Variants in MYBPC3 observed in about 807,000 individuals in gnomAD.
The protein encoded by MYBPC3 is myosin-binding protein C, cardiac-type.
A neutral mutation model predicts 159.3 loss-of-function variants in MYBPC3; 108 were observed. That is an observed-to-expected ratio of 0.68 (90% CI 0.58 to 0.80). The LOEUF is 0.80. Among genes scored for constraint, MYBPC3 ranks in the 30% least tolerant of loss-of-function variants. MYBPC3 has a pLI of 0.00. For synonymous variants in MYBPC3, 730 were observed against 702.0 expected, an observed-to-expected ratio of 1.04 and a Z score of -0.63; for missense variants, 1,631 against 1,762.1, an observed-to-expected ratio of 0.93 and a Z score of 1.33.
At chr11:47,333,123 A>G in intron 30 of MYBPC3, 71 bp downstream of exon 30, 2 of 1,547,066 alleles carry the variant, frequency 1.3e-6, no homozygotes, top group Non-Finnish European at 1.7e-6. Context: ...GAGGACAGTG[A>G]AGGGTAGCTG....
chr11:47,340,391 G>T (rs906982958), intron 20 of MYBPC3, among the ~76,000 whole-genome samples: 1 of 152,224 alleles, frequency 6.6e-6, no homozygotes, highest in Non-Finnish European at 1.5e-5. Context: ...CAGTCTGGAC[G>T]CAGTGGCTCA....
chr11:47,346,489 G>C lies in MYBPC3; in HGVS notation c.927-119C>G. ...CTGTCCCTCTGCCCCTTCCCTTCTGGTGGGGCAGCTGGAGCTGCTCTGGGT... is the reference window on the plus strand; with the variant it reads ...CTGTCCCTCTGCCCCTTCCCTTCTGCTGGGGCAGCTGGAGCTGCTCTGGGT... On this transcript the variant is annotated intron_variant, in intron 11 of 34. Coordinates refer to ENST00000545968, the MANE Select transcript of MYBPC3 (RefSeq NM_000256.3). This position sits in a 1 kb window ranked among gnomAD's most constrained non-coding sequence, Gnocchi z 5.3. 1 of 1,449,254 alleles carries C rather than the reference G, an allele frequency of 6.9e-7. No individual in the cohort carries two copies. The highest frequency in any genetic ancestry group is 9.2e-7 in the Non-Finnish European group (1 of 1,086,042). The allele number at this position is 1,449,254 out of a possible 1,614,324, so 89.8% of individuals were successfully genotyped here. A position where few individuals can be genotyped will look rare whatever the true frequency, so the allele number is the denominator to read the frequency against.
rs368770848 is a variant in MYBPC3 at position 47,343,117 on chromosome 11, G to T, written c.1255C>A (p.Arg419Ser). The T allele has an allele frequency of 1.9e-6, 3 of 1,611,596 alleles. No homozygotes were observed. The highest frequency in any genetic ancestry group is 2.5e-6 in the Non-Finnish European group (3 of 1,179,008). The change falls in exon 15 of 35, where the codon CGT becomes AGT. Residue 419 changes from arginine to serine, a missense_variant. Coordinates refer to ENST00000545968, the MANE Select transcript of MYBPC3 (RefSeq NM_000256.3). Reference sequence around the variant, plus strand: ...GAGCACTGGCTGATGGTCAGGGTACGCTTGGCACCGATGGACTCAAAGATG... The same window carrying T: ...GAGCACTGGCTGATGGTCAGGGTACTCTTGGCACCGATGGACTCAAAGATG... ...KYIFESIGAK[R>S]TLTISQCSLA...
chr11:47,350,229 T>C lies in MYBPC3; in HGVS notation c.407-117A>G, dbSNP rs1002377478. ...AGCTCCGCCTCCCAGGTTCACACCA[T>C]TCTCCTGCCTCAGCCTCCCAAGTTA... On this transcript the variant is annotated intron_variant, in intron 3 of 34. Transcript: ENST00000545968. 4.0e-6 allele frequency: 5 copies of C among 1,257,432 alleles called. No homozygotes were observed. The South Asian group carries it at 4.4e-5, about 11-fold the overall frequency. The allele number at this position is 1,257,432 out of a possible 1,614,324, so 77.9% of individuals were successfully genotyped here. A position where few individuals can be genotyped will look rare whatever the true frequency, so the allele number is the denominator to read the frequency against.
chr11:47,348,947 A>ACAAATGCTCATCGAT (rs1359285452), intron 5 of MYBPC3, among the ~76,000 whole-genome samples: 1 of 49,992 alleles, frequency 2.0e-5, no homozygotes, highest in Non-Finnish European at 4.8e-5. Context: ...GCTGGGAGTG[A>ACAAATGCTCATCGAT]CAAATGCTCA....
chr11:47,332,085 G>A lies in MYBPC3; in HGVS notation c.3801C>T (p.Arg1267=), dbSNP rs541377415. Residue 1267 remains arginine, a synonymous_variant, in exon 33 of 35, where the codon CGC becomes CGT. Coordinates refer to ENST00000545968, the MANE Select transcript of MYBPC3 (RefSeq NM_000256.3). This position sits in a 1 kb window ranked among gnomAD's most constrained non-coding sequence, Gnocchi z 4.2. ...AGGGCTCCTCACCTCGCACCTCCAG[G>A]CGGCACTCACACCGTGCCTCGCCCT... The part of the protein sequence containing the change: ...NLQGEARCEC[R]LEVRVPQ 17 of 1,610,744 alleles carry A rather than the reference G, an allele frequency of 1.1e-5. No homozygotes were observed. In the Admixed American group the frequency reaches 2.7e-4, roughly 25 times the overall value.
At chr11:47,343,745 C>T (rs1483914946) in intron 12 of MYBPC3, 121 bp from the exon 13 acceptor site, 2 of 929,242 alleles carry the variant, frequency 2.2e-6, no homozygotes, top group East Asian at 5.5e-5. Flanking sequence ...TGCCGCCCCG[C>T]TTCCACTTCT....
chr11:47,335,292 A>C, intron 26 of MYBPC3, 83 bp from the exon 27 acceptor site: 1 of 1,084,374 alleles, frequency 9.2e-7, no homozygotes, highest in Non-Finnish European at 1.3e-6. Context: ...TCTGATAGGA[A>C]TCTCCAGGAT....
Position 47,346,573 on chromosome 11 carries a change from G to C in MYBPC3, c.926+54C>G. ...TGAAGAGGGGCTGGGGATCTGGAGG[G>C]GCTCCTGGCAGAATTAGGGGTGATG... On this transcript the variant is annotated intron_variant, in intron 11 of 34. Transcript: ENST00000545968. The surrounding 1 kb of genome is among the most constrained non-coding windows in gnomAD (Gnocchi z 5.3). The C allele has an allele frequency of 6.5e-7, 1 of 1,541,236 alleles. No individual in the cohort carries two copies. Among genetic ancestry groups the C allele is most frequent in the South Asian group, 1.2e-5 (1 of 80,288 alleles).
Position 47,332,881 on chromosome 11 carries a change from G to A in MYBPC3, c.3423C>T (p.Ser1141=), listed in dbSNP as rs1422830996. 1.2e-6 allele frequency: 2 copies of A among 1,607,352 alleles called. No homozygotes were observed. Among genetic ancestry groups the A allele is most frequent in the Non-Finnish European group, 8.5e-7 (1 of 1,177,152 alleles). ...IGNGYYFRVF[S]QNMVGFSDRA... is the part of the protein sequence containing the mutation. Reference sequence around the variant, plus strand: ...TGTCACTAAAGCCAACCATATTCTGGCTGAAGACGCGGAAGTAGTAGCCAT... The same window carrying A: ...TGTCACTAAAGCCAACCATATTCTGACTGAAGACGCGGAAGTAGTAGCCAT... Residue 1141 remains serine (S), a synonymous_variant, in exon 31 of 35, where the codon AGC becomes AGT. Transcript: ENST00000545968. This position sits in a 1 kb window ranked among gnomAD's most constrained non-coding sequence, Gnocchi z 4.2.
intron 5 of MYBPC3, among the ~76,000 whole-genome samples, 194 bp downstream of exon 5, chr11:47,349,580 C>A (rs1199135982): frequency 6.6e-6 from 1 of 152,098 alleles, no homozygotes; most frequent in Non-Finnish European, 1.5e-5. Flanking sequence ...AGCCTCATCG[C>A]ACTCCCTGGC....
chr11:47,346,373 G>A lies in MYBPC3; in HGVS notation c.927-3C>T, dbSNP rs777718305. ...CTGGTGCCTCCAGCTTCGAGTCCCTGTGTCCCGCAGTCTAGGCTGTGGCCG... is the reference window on the plus strand; with the variant it reads ...CTGGTGCCTCCAGCTTCGAGTCCCTATGTCCCGCAGTCTAGGCTGTGGCCG... On this transcript the variant is annotated splice_region_variant and splice_polypyrimidine_tract_variant and intron_variant, in intron 11 of 34. Transcript: ENST00000545968. The surrounding 1 kb of genome is among the most constrained non-coding windows in gnomAD (Gnocchi z 5.3). The A allele has an allele frequency of 6.4e-7, 1 of 1,573,268 alleles. No homozygotes were observed. Among genetic ancestry groups the A allele is most frequent in the South Asian group, 1.2e-5 (1 of 85,246 alleles).
In MYBPC3 at chr11:47,339,553, C is replaced by A. The variant is rs1344291987; in HGVS notation, c.2067+98G>T. ...TCCCATGGGGTAGCCAACAGCAGGG[C>A]GTGCACATGTGGGTGGGGTGTGCAG... On this transcript the variant is annotated intron_variant, in intron 21 of 34. Transcript: ENST00000545968. 1.1e-5 allele frequency: 16 copies of A among 1,475,094 alleles called. No individual in the cohort carries two copies. The East Asian group carries it at 2.9e-4, about 26-fold the overall frequency. 91.4% of individuals were successfully genotyped at this position (1,475,094 alleles called of 1,614,324 possible).
At position 47,347,877 on chromosome 11, in the gene MYBPC3, G is replaced by A. The variant is rs1260101574; in HGVS notation, c.801C>T (p.Leu267=). Residue 267 remains leucine (L), a synonymous_variant, in exon 7 of 35, where the codon CTC becomes CTT. Transcript: ENST00000545968. The part of the protein sequence containing the change: ...HEAMGTGDLD[L]LSAFRRTSLA... ...CTCACGTGCGGCGGAAGGCTGATAG[G>A]AGGTCCAGGTCTCCGGTGCCCATGG... 1.9e-6 allele frequency: 3 copies of A among 1,571,400 alleles called. No individual in the cohort carries two copies. The highest frequency in any genetic ancestry group is 2.4e-5 in the East Asian group (1 of 42,338).
rs1446742140 is a variant in MYBPC3 at position 47,340,991 on chromosome 11, C to G, written c.1927+12G>C. The G allele has an allele frequency of 1.3e-6, 2 of 1,558,628 alleles. No homozygotes were observed. Among genetic ancestry groups the G allele is most frequent in the Non-Finnish European group, 8.7e-7 (1 of 1,153,312 alleles). On this transcript the variant is annotated intron_variant, in intron 20 of 34. Coordinates refer to ENST00000545968, the MANE Select transcript of MYBPC3 (RefSeq NM_000256.3). ...GTGAGCAGAACCAAGACTCAGGGGC[C>G]CCAAGACTTACCCTGCCTGGGTACG... is the stretch of plus-strand genomic sequence containing the variant.
chr11:47,334,278 C>T (rs1299344387), intron 27 of MYBPC3, among the ~76,000 whole-genome samples: 1 of 152,214 alleles, frequency 6.6e-6, no homozygotes, highest in Non-Finnish European at 1.5e-5. Flanking sequence ...AAGTCATAGA[C>T]CAGGGTGTAA....
Position 47,350,553 on chromosome 11 carries a change from C to T in MYBPC3, c.355G>A (p.Glu119Lys), listed in dbSNP as rs397516025. ...APAEATGAPG[E>K]APAPAAELGE... Reference sequence around the variant, plus strand: ...AGCTCAGCGGCTGGGGCCGGGGCTTCTCCAGGGGCTCCAGTGGCCTCAGCA... The same window carrying T: ...AGCTCAGCGGCTGGGGCCGGGGCTTTTCCAGGGGCTCCAGTGGCCTCAGCA... Residue 119 changes from glutamate to lysine, a missense_variant, in exon 3 of 35, where the codon GAA becomes AAA. Glu to Lys is a moderately conservative substitution (Grantham distance 56). Coordinates refer to ENST00000545968, the MANE Select transcript of MYBPC3 (RefSeq NM_000256.3). The T allele has an allele frequency of 1.6e-5, 24 of 1,547,630 alleles. No individual in the cohort carries two copies. The highest frequency in any genetic ancestry group is 1.8e-4 in the Middle Eastern group (1 of 5,552).
In MYBPC3 at chr11:47,347,640, G is replaced by A. The variant is rs747300127; in HGVS notation, c.851+11C>T. 28 of 1,573,986 alleles carry A rather than the reference G, an allele frequency of 1.8e-5. No homozygotes were observed. The highest frequency in any genetic ancestry group is 2.3e-5 in the Non-Finnish European group (27 of 1,159,854). On this transcript the variant is annotated intron_variant, in intron 8 of 34. Transcript: ENST00000545968. The stretch of plus-strand genomic sequence containing the variant: ...TGCGGATGGTGCAGGTAGGGCCTGG[G>A]GCAGGGGTACCTGATCCGCCGACCA...
At chr11:47,341,396 A>G (rs1051902643) in intron 18 of MYBPC3, among the ~76,000 whole-genome samples, 152 bp from the exon 19 acceptor site, 2 of 152,110 alleles carry the variant, frequency 1.3e-5, no homozygotes. Flanking sequence ...TATATTATCT[A>G]ATTTTCCAGC....
Sources: allele counts gnomAD v4.1 joint callset (sites outside exome capture counted in the v4.1 genomes callset), GRCh38; gene constraint gnomAD v4.1.1; non-coding constraint Gnocchi (gnomAD v3.1); transcripts MANE v1.5; gene names NCBI Gene and HGNC (gene_info 2026-07-23, HGNC 2026-07-21).